THSD7B: variants seen among roughly 807,000 people sequenced by gnomAD.
THSD7B encodes the protein thrombospondin type-1 domain-containing protein 7B.
Under a neutral mutation model 213.6 loss-of-function variants are expected in THSD7B, and 138 were observed. The observed-to-expected ratio is 0.65, with a 90% CI of 0.56 to 0.74. The LOEUF (loss-of-function observed/expected upper bound fraction) is 0.74. Among genes scored for constraint, THSD7B ranks in the 30% least tolerant of loss-of-function variants. The pLI, the probability that THSD7B is intolerant of heterozygous loss-of-function variation, is 0.00. For missense variants in THSD7B, 1,931 were observed against 1,991.5 expected, an observed-to-expected ratio of 0.97 and a Z score of 0.58; for synonymous variants, 742 against 687.0, an observed-to-expected ratio of 1.08 and a Z score of -1.25.
At chr2:137,083,883 C>G (rs912780525) in intron 3 of THSD7B, among the ~76,000 whole-genome samples, 6 of 151,984 alleles carry the variant, frequency 3.9e-5, no homozygotes, top group Non-Finnish European at 7.4e-5. Context: ...TTTCGAATGG[C>G]CCACTGTATG....
intron 15 of THSD7B, among the ~76,000 whole-genome samples, chr2:137,471,702 G>T (rs983904339): frequency 1.3e-5 from 2 of 152,038 alleles, no homozygotes; most frequent in Non-Finnish European, 2.9e-5. Context: ...ACCCATTTTG[G>T]GGAGAACTTT....
At chr2:137,397,856 T>C (rs1054784364) in intron 12 of THSD7B, among the ~76,000 whole-genome samples, 1 of 123,162 alleles carries the variant, frequency 8.1e-6, no homozygotes, top group Non-Finnish European at 1.7e-5. Context: ...CTTGGAGGCT[T>C]TGCTCATTTC....
rs370340685 is a variant in THSD7B, at chr2:136,996,817, G to C, written c.140-59603G>C. On this transcript the variant is annotated intron_variant, in intron 2 of 27. Coordinates refer to ENST00000409968, the MANE Select transcript of THSD7B (RefSeq NM_001316349.2). ...TGCATAGAAGTATAAATAAATGATC[G>C]AGAGAGCTGTCCTTTAATTTTACTA... Among the ~76,000 whole-genome samples the C allele has an allele frequency of 3.0e-4, 45 of 152,244 alleles. 1 individual carries two copies. In the South Asian group the frequency reaches 8.9e-3, roughly 30 times the overall value.
intron 12 of THSD7B, among the ~76,000 whole-genome samples, chr2:137,276,969 G>A (rs1682889456): frequency 6.6e-6 from 1 of 152,002 alleles, no homozygotes; most frequent in Non-Finnish European, 1.5e-5. Context: ...TAAATTATAA[G>A]AATGAACCAC....
intron 15 of THSD7B, among the ~76,000 whole-genome samples, chr2:137,507,587 T>A (rs115998145): frequency 0.01 from 1,599 of 152,320 alleles, 24 homozygotes; most frequent in African/African-American, 0.035. Flanking sequence ...TAAATGGGAA[T>A]AAAGTTCCTG....
chr2:137,141,931 G>T (rs1030216721), intron 5 of THSD7B, among the ~76,000 whole-genome samples: 1 of 152,144 alleles, frequency 6.6e-6, no homozygotes, highest in East Asian at 1.9e-4. Context: ...AGTTTTAATA[G>T]AGATCAAGCC....
At chr2:137,290,380 C>T (rs1252972131) in intron 12 of THSD7B, among the ~76,000 whole-genome samples, 1 of 152,064 alleles carries the variant, frequency 6.6e-6, no homozygotes, top group African/African-American at 2.4e-5. Flanking sequence ...TGAGCCACAG[C>T]GCCCAGCCCA....
intron 9 of THSD7B, among the ~76,000 whole-genome samples, chr2:137,240,800 C>T (rs1243821524): frequency 6.6e-6 from 1 of 152,164 alleles, no homozygotes; most frequent in Admixed American, 6.5e-5. Flanking sequence ...CTAGTTTCTC[C>T]TCTTAACATT....
In THSD7B at chr2:137,147,313, C is replaced by T. The variant is rs769128940; in HGVS notation, c.1370-12900C>T. On this transcript the variant is annotated intron_variant, in intron 5 of 27. Coordinates refer to ENST00000409968, the MANE Select transcript of THSD7B (RefSeq NM_001316349.2). ...ATCTGTATTTTAAAAATTCTGCGGA[C>T]TCTTGTTCCTGTCACTTCTTGGGAC... 5.3e-5 allele frequency among the ~76,000 whole-genome samples: 8 copies of T among 152,190 alleles called. 1 individual carries two copies. The highest frequency in any genetic ancestry group is 8.8e-5 in the Non-Finnish European group (6 of 68,022).
At chr2:137,461,795 A>G (rs529434793) in intron 15 of THSD7B, among the ~76,000 whole-genome samples, 2 of 152,224 alleles carry the variant, frequency 1.3e-5, no homozygotes, top group East Asian at 1.9e-4. Context: ...TGCTCAGGTA[A>G]ACTGCTGAGG....
chr2:136,772,590 G>T (rs1010190740), intron 1 of THSD7B, among the ~76,000 whole-genome samples: 8 of 152,142 alleles, frequency 5.3e-5, no homozygotes, highest in South Asian at 2.1e-4. Context: ...ATTAGTTTTT[G>T]AAATTAGCAT....
chr2:136,875,523 C>T (rs1652446), intron 1 of THSD7B, among the ~76,000 whole-genome samples: 130,764 of 152,184 alleles, frequency 0.86, 56,564 homozygotes, highest in Non-Finnish European at 0.91. Context: ...AATTGAGATT[C>T]TTTTAATCAT....
At chr2:137,268,580 T>C (rs946564604) in intron 10 of THSD7B, among the ~76,000 whole-genome samples, 4 of 152,116 alleles carry the variant, frequency 2.6e-5, no homozygotes, top group Middle Eastern at 3.2e-3. Flanking sequence ...ATGGAGCTGG[T>C]GGTAGTATAG....
chr2:137,090,047 C>T (rs1157660821), intron 3 of THSD7B, among the ~76,000 whole-genome samples: 2 of 151,340 alleles, frequency 1.3e-5, no homozygotes, highest in Admixed American at 6.6e-5. Flanking sequence ...AGAACTTACT[C>T]ATGTCACCAA....
At chr2:137,381,166 A>G (rs1685765064) in intron 12 of THSD7B, among the ~76,000 whole-genome samples, 1 of 152,180 alleles carries the variant, frequency 6.6e-6, no homozygotes, top group Admixed American at 6.5e-5. Context: ...TGGCTGCAAC[A>G]TGGATTGTGG....
intron 7 of THSD7B, among the ~76,000 whole-genome samples, chr2:137,226,143 C>T (rs1171012257): frequency 1.3e-5 from 2 of 151,752 alleles, no homozygotes; most frequent in African/African-American, 4.8e-5. Context: ...TTAAGTAGGA[C>T]ATAAAATTTT....
At chr2:137,335,883 T>TC (rs1684627936) in intron 12 of THSD7B, among the ~76,000 whole-genome samples, 1 of 152,302 alleles carries the variant, frequency 6.6e-6, no homozygotes, top group Non-Finnish European at 1.5e-5. Context: ...TCTTTTTTTT[T>TC]CTTTTTTAGT....
chr2:137,411,184 T>C (rs1393129905), intron 13 of THSD7B, among the ~76,000 whole-genome samples: 1 of 152,238 alleles, frequency 6.6e-6, no homozygotes, highest in African/African-American at 2.4e-5. Flanking sequence ...GTCCATCACA[T>C]TGCAAGAGAC....
chr2:137,109,969 T>C (rs1252201245), intron 4 of THSD7B, among the ~76,000 whole-genome samples: 1 of 152,192 alleles, frequency 6.6e-6, no homozygotes, highest in African/African-American at 2.4e-5. Context: ...TTCTAGATGG[T>C]GCTGGGCACT....
Sources: gnomAD v4.1 joint callset for allele counts (sites outside exome capture counted in the v4.1 genomes callset) on GRCh38, gnomAD v4.1.1 for gene constraint, MANE v1.5 for transcripts, NCBI Gene and HGNC (gene_info 2026-07-23, HGNC 2026-07-21) for gene names.